The following BRWD3 variants were observed in gnomAD, a reference collection of about 807,000 sequenced individuals.
The protein encoded by BRWD3 is bromodomain and WD repeat-containing protein 3.
In BRWD3, 10 loss-of-function variants were observed where a neutral mutation model predicts 149.7. That is an observed-to-expected ratio of 0.07 (90% confidence interval 0.04 to 0.11). BRWD3 has a LOEUF of 0.11. Among genes scored for constraint, BRWD3 ranks in the 10% least tolerant of loss-of-function variants. The probability of loss-of-function intolerance (pLI) is 1.00; values close to 1 mark genes in which losing one functional copy is unlikely to be tolerated. For synonymous variants in BRWD3, 504 were observed against 456.7 expected (o/e 1.10, Z -1.32); for missense variants, 940 against 1,373.2 (o/e 0.68, Z 4.99).
In BRWD3 at chrX:80,673,918, ATAAAG is replaced by A. The variant is rs1437738355; in HGVS notation, c.*2686_*2690del. On this transcript the variant is annotated 3_prime_UTR_variant, in exon 41 of 41. Transcript: ENST00000373275. ...AAAGGGCCTCAAAGAAATTAAAATG[ATAAAG>A]TAATCAATGTGATACTAATTACAAC... 4 of 111,720 alleles carry A rather than the reference ATAAAG, an allele frequency of 3.6e-5. No individual in the cohort carries two copies. Among genetic ancestry groups the A allele is most frequent in the African/African-American group, 9.7e-5 (3 of 30,814 alleles). 9.2% of individuals were successfully genotyped at this position (111,720 alleles called of 1,213,427 possible).
chrX:80,703,187 G>A (rs1390119959), intron 24 of BRWD3, among the ~76,000 whole-genome samples: 2 of 110,424 alleles, frequency 1.8e-5, no homozygotes, highest in African/African-American at 6.6e-5. Context: ...ATTCTACTAA[G>A]TGGCAATTCA....
intron 6 of BRWD3, among the ~76,000 whole-genome samples, chrX:80,765,497 C>T (rs1428512492): frequency 9.0e-6 from 1 of 111,691 alleles, no homozygotes; most frequent in Non-Finnish European, 1.9e-5. Flanking sequence ...CTTTACTTTA[C>T]TTTACTATTC....
chrX:80,768,605 G>A lies in BRWD3; in HGVS notation c.431-22876C>T, dbSNP rs972838199. ...GCACTAAACATGGAAAGAAACAACCGGTACCAGCCACTGCAAAAACATACC... is the reference window on the plus strand; with the variant it reads ...GCACTAAACATGGAAAGAAACAACCAGTACCAGCCACTGCAAAAACATACC... On this transcript the variant is annotated intron_variant, in intron 6 of 40. Coordinates refer to ENST00000373275, the MANE Select transcript of BRWD3 (RefSeq NM_153252.5). 1.1e-4 allele frequency among the ~76,000 whole-genome samples: 12 copies of A among 111,310 alleles called. No individual in the cohort carries two copies. The East Asian group carries it at 2.8e-3, about 26-fold the overall frequency.
intron 4 of BRWD3, among the ~76,000 whole-genome samples, chrX:80,796,655 A>G (rs1452812237): frequency 1.8e-5 from 2 of 111,942 alleles, no homozygotes; most frequent in East Asian, 2.8e-4. Context: ...ATCTACCAAA[A>G]TAATTGAAGC....
intron 4 of BRWD3, among the ~76,000 whole-genome samples, chrX:80,802,969 G>A (rs1480606804): frequency 9.1e-6 from 1 of 110,154 alleles, no homozygotes; most frequent in Non-Finnish European, 1.9e-5. Context: ...GCCGGGCGTA[G>A]CGGGCGCCTG....
chrX:80,744,258 A>G lies in BRWD3; in HGVS notation c.592-5T>C, dbSNP rs751083890. On this transcript the variant is annotated splice_polypyrimidine_tract_variant and splice_region_variant and intron_variant, in intron 7 of 40. Coordinates refer to ENST00000373275, the MANE Select transcript of BRWD3 (RefSeq NM_153252.5). ...TACTAAACAGTCATCTGAACCCTAT[A>G]GTAACAAAAGGACAATAGGTTTATA... is the stretch of plus-strand genomic sequence containing the variant. 3 of 1,167,678 alleles carry G rather than the reference A, an allele frequency of 2.6e-6. No homozygotes were observed. Among genetic ancestry groups the G allele is most frequent in the Non-Finnish European group, 3.5e-6 (3 of 861,201 alleles).
chrX:80,801,536 G>C (rs1055438722), intron 4 of BRWD3, among the ~76,000 whole-genome samples: 2 of 109,112 alleles, frequency 1.8e-5, no homozygotes, highest in African/African-American at 6.7e-5. Flanking sequence ...TTTAAACAGG[G>C]TAACTTAAAA....
At position 80,690,101 on chromosome X, in the gene BRWD3, G is replaced by GA. The variant is rs755478069; in HGVS notation, c.3603-10dup. The GA allele has an allele frequency of 8.3e-6, 10 of 1,201,389 alleles. No individual in the cohort carries two copies. The highest frequency in any genetic ancestry group is 4.4e-5 in the Admixed American group (2 of 45,356). On this transcript the variant is annotated splice_polypyrimidine_tract_variant and intron_variant, in intron 31 of 40. Coordinates refer to ENST00000373275, the MANE Select transcript of BRWD3 (RefSeq NM_153252.5). ...TTAATGCTGATATTCTCCTGTGAAA[G>GA]AAAAAATACTCTGTTAGCCTTGGCT...
rs1258880655 is a variant in BRWD3, at chrX:80,716,164, G to A, written c.2318C>T (p.Thr773Ile). ...VEKKKKPSYT[T>I]QRNDYEPSCG... ...TTGTAAAACTATACTTACCCTTTGAGTAGTGTAAGATGGCTTTTTCTTCTT... is the reference window on the plus strand; with the variant it reads ...TTGTAAAACTATACTTACCCTTTGAATAGTGTAAGATGGCTTTTTCTTCTT... Residue 773 changes from threonine (T) to isoleucine (I), a missense_variant, in exon 20 of 41, where the codon ACT becomes ATT. Thr to Ile is a moderately conservative substitution (Grantham distance 89, BLOSUM62 -1). Transcript: ENST00000373275. 1.7e-6 allele frequency: 2 copies of A among 1,192,615 alleles called. No homozygotes were observed. Among genetic ancestry groups the A allele is most frequent in the South Asian group, 3.5e-5 (2 of 56,451 alleles).
chrX:80,712,953 C>T (rs1490248474), intron 20 of BRWD3, among the ~76,000 whole-genome samples: 1 of 109,825 alleles, frequency 9.1e-6, no homozygotes, highest in Admixed American at 9.5e-5. Flanking sequence ...CTCCGCCCGG[C>T]ACCCACCCCG....
chrX:80,716,195 C>A lies in BRWD3; in HGVS notation c.2287G>T (p.Val763Phe). 8.3e-7 allele frequency: 1 copy of A among 1,209,967 alleles called. No homozygotes were observed. Among genetic ancestry groups the A allele is most frequent in the Non-Finnish European group, 1.1e-6 (1 of 894,303 alleles). The change falls in exon 20 of 41, where the codon GTT becomes TTT. Residue 763 changes from valine (V) to phenylalanine (F), a missense_variant. This residue lies in a region of BRWD3 where 103 missense variants were observed against 103.2 expected (regional missense o/e 1.00). Transcript: ENST00000373275. Reference sequence around the variant, plus strand: ...TAAGATGGCTTTTTCTTCTTTTCAACTGTATAAAGACTGATTTCTATGTCA... The same window carrying A: ...TAAGATGGCTTTTTCTTCTTTTCAAATGTATAAAGACTGATTTCTATGTCA... ...KGDIEISLYT[V>F]EKKKKPSYTT...
In BRWD3 at chrX:80,715,457, A is replaced by T. The variant is rs1031954761; in HGVS notation, c.2325+700T>A. On this transcript the variant is annotated intron_variant, in intron 20 of 40. Coordinates refer to ENST00000373275, the MANE Select transcript of BRWD3 (RefSeq NM_153252.5). Reference sequence around the variant, plus strand: ...CTCTTCAAATTACCACACTCTACAGAAATTATGGTTAAATTTGGGAACAAA... The same window carrying T: ...CTCTTCAAATTACCACACTCTACAGTAATTATGGTTAAATTTGGGAACAAA... Among the ~76,000 whole-genome samples the T allele has an allele frequency of 2.7e-5, 3 of 111,994 alleles. No homozygotes were observed. The East Asian group carries it at 8.4e-4, about 31-fold the overall frequency.
chrX:80,715,709 A>G (rs771555170), intron 20 of BRWD3, among the ~76,000 whole-genome samples: 2 of 112,029 alleles, frequency 1.8e-5, no homozygotes, highest in Non-Finnish European at 3.8e-5. Context: ...TACAGCCTGA[A>G]AGCAACCACA....
chrX:80,745,826 T>C lies in BRWD3; in HGVS notation c.431-97A>G, dbSNP rs2073585157. On this transcript the variant is annotated intron_variant, in intron 6 of 40. Coordinates refer to ENST00000373275, the MANE Select transcript of BRWD3 (RefSeq NM_153252.5). ...AAGATGAGACAAAACAGAGTACATA[T>C]ATTATAGCAATTCTGCCCTGTGAGA... 9.7e-6 allele frequency: 8 copies of C among 823,704 alleles called. No homozygotes were observed. In the Admixed American group the frequency reaches 1.6e-4, roughly 16 times the overall value. The allele number at this position is 823,704 out of a possible 1,213,427, so 67.9% of individuals were successfully genotyped here.
chrX:80,793,883 A>T, intron 4 of BRWD3, 111 bp from the exon 5 acceptor site: 1 of 858,769 alleles, frequency 1.2e-6, no homozygotes, highest in African/African-American at 2.0e-5. Context: ...TACAGTTTTA[A>T]AATATGGAAT....
chrX:80,712,095 C>T (rs750016415), intron 20 of BRWD3, among the ~76,000 whole-genome samples: 2 of 111,578 alleles, frequency 1.8e-5, no homozygotes, highest in South Asian at 3.8e-4. Flanking sequence ...ATCTCCAACC[C>T]CCCACCTCTG....
intron 6 of BRWD3, among the ~76,000 whole-genome samples, chrX:80,779,218 G>A (rs1183277522): frequency 1.1e-4 from 12 of 110,978 alleles, no homozygotes; most frequent in African/African-American, 3.9e-4. Flanking sequence ...AGGAGGCTAA[G>A]GCAGGAGAAT....
At chrX:80,779,892 A>AT (rs2074039558) in intron 6 of BRWD3, among the ~76,000 whole-genome samples, 1 of 111,554 alleles carries the variant, frequency 9.0e-6, no homozygotes, top group Non-Finnish European at 1.9e-5. Context: ...AAACTTAAAT[A>AT]ACACTAATAA....
Position 80,676,332 on chromosome X carries a change from C to CGT in BRWD3, c.*275_*276dup. 2 of 352,567 alleles carry CGT rather than the reference C, an allele frequency of 5.7e-6. No homozygotes were observed. The highest frequency in any genetic ancestry group is 9.9e-6 in the Non-Finnish European group (2 of 201,961). The allele number at this position is 352,567 out of a possible 1,213,427, so 29.1% of individuals were successfully genotyped here. A position where few individuals can be genotyped will look rare whatever the true frequency, so the allele number is the denominator to read the frequency against. On this transcript the variant is annotated 3_prime_UTR_variant, in exon 41 of 41. Transcript: ENST00000373275. ...AATCTGTAGTGTCTGTGTTGTGTTT[C>CGT]GTGTGTGTGTGTCTGTGTGTGTGTA...
Sources: allele counts gnomAD v4.1 joint callset (sites outside exome capture counted in the v4.1 genomes callset), GRCh38; gene constraint gnomAD v4.1.1; regional missense constraint gnomAD v4.1.1; transcripts MANE v1.5; gene names NCBI Gene and HGNC (gene_info 2026-07-23, HGNC 2026-07-21).